Variants in CDH13 observed in about 807,000 individuals in gnomAD.
CDH13 encodes the protein cadherin 13, also known as cadherin-13.
Under a neutral mutation model 63.8 loss-of-function variants are expected in CDH13, and 24 were observed. The observed-to-expected ratio is 0.38, with a 90% confidence interval of 0.27 to 0.53. The LOEUF is 0.53. Among genes scored for constraint, CDH13 ranks in the 20% least tolerant of loss-of-function variants. The pLI, the probability that CDH13 is intolerant of heterozygous loss-of-function variation, is 0.85. For synonymous variants in CDH13, 503 were observed against 355.3 expected, an observed-to-expected ratio of 1.42 and a Z score of -4.67; for missense variants, 1,049 against 903.1, an observed-to-expected ratio of 1.16 and a Z score of -2.07.
intron 3 of CDH13, among the ~76,000 whole-genome samples, chr16:83,120,388 G>C (rs981129506): frequency 5.3e-5 from 8 of 152,194 alleles, no homozygotes; most frequent in African/African-American, 1.4e-4. Flanking sequence ...TCACCCATTT[G>C]TGGGTATGAA....
At chr16:83,673,299 C>G (rs747106479) in intron 9 of CDH13, among the ~76,000 whole-genome samples, 1 of 152,168 alleles carries the variant, frequency 6.6e-6, no homozygotes, top group Non-Finnish European at 1.5e-5. Context: ...GTCAAGAAAT[C>G]TCTTGCCAAC....
At chr16:83,376,592 T>G (rs964028432) in intron 6 of CDH13, among the ~76,000 whole-genome samples, 1 of 152,060 alleles carries the variant, frequency 6.6e-6, no homozygotes, top group African/African-American at 2.4e-5. Flanking sequence ...GAGAGGAACA[T>G]CTAACTCGGT....
intron 7 of CDH13, among the ~76,000 whole-genome samples, chr16:83,535,185 G>A (rs2075160075): frequency 6.6e-6 from 1 of 152,246 alleles, no homozygotes; most frequent in Non-Finnish European, 1.5e-5. Context: ...AGAGGGCACA[G>A]CATGTGCAGA....
intron 3 of CDH13, among the ~76,000 whole-genome samples, chr16:83,059,490 A>T (rs2031296512): frequency 6.6e-6 from 1 of 152,156 alleles, no homozygotes; most frequent in Non-Finnish European, 1.5e-5. Context: ...AGGTGACTGC[A>T]AGGATGTAAC....
chr16:82,768,824 G>T (rs145265748), intron 1 of CDH13, among the ~76,000 whole-genome samples: 30 of 152,284 alleles, frequency 2.0e-4, no homozygotes, highest in African/African-American at 6.5e-4. Flanking sequence ...CTCTGATTCA[G>T]CCTAGCAAAG....
intron 2 of CDH13, among the ~76,000 whole-genome samples, chr16:82,981,289 A>G (rs565455518): frequency 2.0e-4 from 31 of 152,276 alleles, no homozygotes; most frequent in Admixed American, 1.8e-3. Context: ...TATTCCCTCA[A>G]GAATGCTCAA....
At position 82,913,197 on chromosome 16, in the gene CDH13, C is replaced by G. The variant is rs148235905; in HGVS notation, c.157+54724C>G. Among the ~76,000 whole-genome samples, 348 of 152,230 alleles carry G rather than the reference C, an allele frequency of 2.3e-3. 1 individual carries two copies. The highest frequency in any genetic ancestry group is 8.0e-3 in the African/African-American group (333 of 41,556). ...CTTTAAAATGGTCTAAAAAGTGTTT[C>G]TAGGTACAAAATGAATTGGAGTTTA... On this transcript the variant is annotated intron_variant, in intron 2 of 13. Transcript: ENST00000567109.
intron 3 of CDH13, among the ~76,000 whole-genome samples, chr16:83,122,776 G>A (rs1013245932): frequency 2.0e-5 from 3 of 151,874 alleles, no homozygotes; most frequent in East Asian, 1.9e-4. Flanking sequence ...ACCTAGTATC[G>A]GAAGAGTATC....
rs1910274695 is a variant in CDH13 at position 83,725,466 on chromosome 16, A to C, written c.1539-22642A>C. The stretch of plus-strand genomic sequence containing the variant: ...CTGACATACTGAGCACCAGGTCTGC[A>C]TCACCCACCTTATCACATGTGGGCA... On this transcript the variant is annotated intron_variant, in intron 10 of 13. Coordinates refer to ENST00000567109, the MANE Select transcript of CDH13 (RefSeq NM_001257.5). The C allele has an allele frequency of 4.6e-5, 7 of 152,464 alleles. 1 individual carries two copies. The allele number at this position is 152,464 out of a possible 1,614,324, so 9.4% of individuals were successfully genotyped here.
At chr16:82,818,682 G>A (rs1304961925) in intron 1 of CDH13, among the ~76,000 whole-genome samples, 2 of 152,068 alleles carry the variant, frequency 1.3e-5, no homozygotes, top group African/African-American at 2.4e-5. Context: ...TGTAGAAATC[G>A]GGCATTTTCC....
chr16:83,378,063 T>A (rs75299569), intron 6 of CDH13, among the ~76,000 whole-genome samples: 1,549 of 152,302 alleles, frequency 0.01, 33 homozygotes, highest in African/African-American at 0.035. Context: ...CCCGCTACCA[T>A]GCATGGTGGC....
At chr16:83,061,634 C>G (rs994529813) in intron 3 of CDH13, among the ~76,000 whole-genome samples, 2 of 152,206 alleles carry the variant, frequency 1.3e-5, no homozygotes, top group African/African-American at 4.8e-5. Context: ...GACTGTGACA[C>G]TGAAGTGGCT....
chr16:83,253,465 G>A (rs1905834490), intron 5 of CDH13, among the ~76,000 whole-genome samples: 1 of 152,220 alleles, frequency 6.6e-6, no homozygotes, highest in African/African-American at 2.4e-5. Flanking sequence ...TGGTCGTGTT[G>A]AGAGAACCAG....
chr16:83,533,234 C>T (rs1285009813), intron 7 of CDH13, among the ~76,000 whole-genome samples: 3 of 152,166 alleles, frequency 2.0e-5, no homozygotes, highest in Admixed American at 1.3e-4. Context: ...CCCCTCAATG[C>T]GACGGCTCAC....
intron 3 of CDH13, among the ~76,000 whole-genome samples, chr16:83,069,830 C>T (rs753410053): frequency 1.3e-5 from 2 of 152,130 alleles, no homozygotes; most frequent in Non-Finnish European, 2.9e-5. Flanking sequence ...CTCACAAGGG[C>T]AGGCAGCAAG....
chr16:82,800,006 T>A (rs28562657), intron 1 of CDH13, among the ~76,000 whole-genome samples: 1,743 of 152,328 alleles, frequency 0.011, 36 homozygotes, highest in African/African-American at 0.04. Context: ...AGATGTTTAC[T>A]AAGGGACTAC....
chr16:83,180,685 C>T (rs2038315815), intron 4 of CDH13, among the ~76,000 whole-genome samples: 5 of 152,204 alleles, frequency 3.3e-5, no homozygotes, highest in African/African-American at 1.2e-4. Flanking sequence ...AGCCATGCCT[C>T]CTTTTCACAG....
intron 5 of CDH13, among the ~76,000 whole-genome samples, chr16:83,318,556 T>G (rs1421760683): frequency 6.6e-6 from 1 of 152,228 alleles, no homozygotes; most frequent in Admixed American, 6.5e-5. Flanking sequence ...TTTCATTCTG[T>G]TACTCAAAAT....
chr16:82,930,548 G>T (rs1259374701), intron 2 of CDH13, among the ~76,000 whole-genome samples: 2 of 151,864 alleles, frequency 1.3e-5, no homozygotes, highest in East Asian at 1.9e-4. Flanking sequence ...TATTTTTTTA[G>T]AAATAATTTC....
Sources: gnomAD v4.1 joint callset for allele counts (sites outside exome capture counted in the v4.1 genomes callset) on GRCh38, gnomAD v4.1.1 for gene constraint, MANE v1.5 for transcripts, NCBI Gene and HGNC (gene_info 2026-07-23, HGNC 2026-07-21) for gene names.